TMEM170B: variants seen among roughly 807,000 people sequenced by gnomAD.
TMEM170B encodes the protein transmembrane protein 170B.
A neutral mutation model predicts 13.0 loss-of-function variants in TMEM170B; 6 were observed. The observed-to-expected ratio is 0.46, with a 90% CI of 0.25 to 0.91. The LOEUF (loss-of-function observed/expected upper bound fraction) is 0.91, where lower values mean the gene tolerates loss of function less well. Among genes scored for constraint, TMEM170B ranks in the 40% least tolerant of loss-of-function variants. The probability of loss-of-function intolerance (pLI) is 0.17; values close to 1 mark genes in which losing one functional copy is unlikely to be tolerated. For missense variants in TMEM170B, 138 were observed against 165.2 expected (o/e 0.84, Z 0.90); for synonymous variants, 61 against 64.9 (o/e 0.94, Z 0.29).
chr6:11,554,810 T>C (rs78998652), intron 1 of TMEM170B, among the ~76,000 whole-genome samples: 4,443 of 152,222 alleles, frequency 0.029, 90 homozygotes, highest in Middle Eastern at 0.054. Context: ...TGCTCTCTCT[T>C]AAGAGGCAAA....
At position 11,540,304 on chromosome 6, in the gene TMEM170B, A is replaced by G. The variant is rs145357250; in HGVS notation, c.97+1930A>G. ...CATTTTATCCACAGTAGAACTTTCA[A>G]AATTGGAGTCAGTCCTTTCAAACCC... On this transcript the variant is annotated intron_variant, in intron 1 of 2. Transcript: ENST00000379426. Among the ~76,000 whole-genome samples the G allele has an allele frequency of 2.2e-3, 337 of 152,336 alleles. 9 individuals carry two copies. The East Asian group carries it at 0.047, about 21-fold the overall frequency.
intron 1 of TMEM170B, among the ~76,000 whole-genome samples, chr6:11,540,703 A>G (rs1159171025): frequency 6.6e-6 from 1 of 152,232 alleles, no homozygotes. Context: ...GGCATCTGGA[A>G]TGGTGACTCC....
chr6:11,549,436 G>T (rs1759488925), intron 1 of TMEM170B, among the ~76,000 whole-genome samples: 2 of 152,124 alleles, frequency 1.3e-5, no homozygotes, highest in Non-Finnish European at 1.5e-5. Context: ...GGCAGAGGTG[G>T]GTGGATCACG....
intron 1 of TMEM170B, among the ~76,000 whole-genome samples, chr6:11,540,090 C>T (rs867132150): frequency 2.6e-5 from 4 of 152,130 alleles, no homozygotes; most frequent in African/African-American, 9.7e-5. Flanking sequence ...TCAGCAAGGA[C>T]GTTATCTTTT....
chr6:11,577,861 G>A lies in TMEM170B; in HGVS notation c.*2300G>A, dbSNP rs957271732. 9 of 152,040 alleles carry A rather than the reference G, an allele frequency of 5.9e-5. No homozygotes were observed. Among genetic ancestry groups the A allele is most frequent in the African/African-American group, 1.7e-4 (7 of 41,426 alleles). The allele number at this position is 152,040 out of a possible 1,614,324, so 9.4% of individuals were successfully genotyped here. On this transcript the variant is annotated 3_prime_UTR_variant, in exon 3 of 3. Transcript: ENST00000379426. ...ATTTTTGGTTTCTTTGCTGTTTTCA[G>A]TTATTTCCATTGAGATTTTGTGCAA...
chr6:11,573,824 T>A (rs1759838515), intron 2 of TMEM170B, among the ~76,000 whole-genome samples: 1 of 152,166 alleles, frequency 6.6e-6, no homozygotes, highest in African/African-American at 2.4e-5. Flanking sequence ...ATTACTCTAG[T>A]TTATTTTAAC....
At chr6:11,550,085 A>C (rs1384724028) in intron 1 of TMEM170B, among the ~76,000 whole-genome samples, 3 of 151,692 alleles carry the variant, frequency 2.0e-5, no homozygotes, top group African/African-American at 7.3e-5. Context: ...CAGTCTGCCC[A>C]CCTTGGCCTC....
At chr6:11,546,258 T>C (rs556403761) in intron 1 of TMEM170B, among the ~76,000 whole-genome samples, 3 of 152,142 alleles carry the variant, frequency 2.0e-5, no homozygotes, top group Admixed American at 2.0e-4. Context: ...TTTTTTTAAT[T>C]TTAGAAGTAG....
intron 1 of TMEM170B, among the ~76,000 whole-genome samples, chr6:11,538,893 T>C (rs1759321759): frequency 1.3e-5 from 2 of 152,238 alleles, no homozygotes; most frequent in South Asian, 4.1e-4. Flanking sequence ...GAGTAAATTA[T>C]AGTGGGTCAG....
At chr6:11,566,807 A>C (rs962171543) in intron 2 of TMEM170B, among the ~76,000 whole-genome samples, 2 of 152,096 alleles carry the variant, frequency 1.3e-5, no homozygotes, top group African/African-American at 4.8e-5. Flanking sequence ...TCCTCTTTAC[A>C]CTTGGGAGGC....
At chr6:11,563,625 C>T (rs749653584) in intron 1 of TMEM170B, among the ~76,000 whole-genome samples, 14 of 152,246 alleles carry the variant, frequency 9.2e-5, no homozygotes, top group Middle Eastern at 3.4e-3. Context: ...GCTCATAGAA[C>T]GCAAGGAAAC....
rs1218703262 is a variant in TMEM170B at position 11,582,579 on chromosome 6, T to A, written c.*7018T>A. On this transcript the variant is annotated 3_prime_UTR_variant, in exon 3 of 3. Transcript: ENST00000379426. ...TTTCCAAGTATGAAATGGAAAAAAATGTAGTTAAGAAAATTAAGTGTGAGA... is the reference window on the plus strand; with the variant it reads ...TTTCCAAGTATGAAATGGAAAAAAAAGTAGTTAAGAAAATTAAGTGTGAGA... 6.6e-6 allele frequency: 1 copy of A among 152,182 alleles called. No homozygotes were observed. The highest frequency in any genetic ancestry group is 2.4e-5 in the African/African-American group (1 of 41,442). 9.4% of individuals were successfully genotyped at this position (152,182 alleles called of 1,614,324 possible).
chr6:11,551,117 G>T (rs540529472), intron 1 of TMEM170B, among the ~76,000 whole-genome samples: 3 of 152,282 alleles, frequency 2.0e-5, no homozygotes, highest in African/African-American at 7.2e-5. Flanking sequence ...GTCTAGGGCT[G>T]GGGGTTCAGC....
intron 2 of TMEM170B, among the ~76,000 whole-genome samples, chr6:11,567,179 G>A (rs1407277857): frequency 2.6e-5 from 4 of 152,216 alleles, no homozygotes; most frequent in African/African-American, 9.6e-5. Context: ...GTTGAGCAGA[G>A]CTTAGGTGTG....
At chr6:11,555,418 G>A (rs951999701) in intron 1 of TMEM170B, among the ~76,000 whole-genome samples, 4 of 152,224 alleles carry the variant, frequency 2.6e-5, no homozygotes, top group African/African-American at 4.8e-5. Flanking sequence ...TTGGAAGTGG[G>A]AGGTATTTAT....
chr6:11,539,254 T>G (rs1185402696), intron 1 of TMEM170B, among the ~76,000 whole-genome samples: 2 of 152,216 alleles, frequency 1.3e-5, no homozygotes, highest in East Asian at 3.8e-4. Context: ...AGAAAGAGAT[T>G]CAGTTGCGAT....
At chr6:11,546,775 A>G (rs1341622750) in intron 1 of TMEM170B, among the ~76,000 whole-genome samples, 1 of 152,220 alleles carries the variant, frequency 6.6e-6, no homozygotes, top group Non-Finnish European at 1.5e-5. Context: ...AGCTTATACC[A>G]TCTAGGTTTG....
In TMEM170B at chr6:11,570,078, G is replaced by C. The variant is rs560773150; in HGVS notation, c.268+4242G>C. Among the ~76,000 whole-genome samples the C allele has an allele frequency of 2.0e-5, 3 of 152,022 alleles. No individual in the cohort carries two copies. The East Asian group carries it at 5.8e-4, about 29-fold the overall frequency. On this transcript the variant is annotated intron_variant, in intron 2 of 2. Coordinates refer to ENST00000379426, the MANE Select transcript of TMEM170B (RefSeq NM_001100829.3). ...AAAGTATGATAATGATTTTTATTAGGATTTAACTGAATATAGAGGATAATT... is the reference window on the plus strand; with the variant it reads ...AAAGTATGATAATGATTTTTATTAGCATTTAACTGAATATAGAGGATAATT...
intron 1 of TMEM170B, among the ~76,000 whole-genome samples, chr6:11,563,029 A>G (rs910112632): frequency 6.6e-6 from 1 of 152,218 alleles, no homozygotes; most frequent in Admixed American, 6.5e-5. Flanking sequence ...TGGTAAAAAC[A>G]TAACTGATGA....
Sources: gnomAD v4.1 joint callset for allele counts (sites outside exome capture counted in the v4.1 genomes callset) on GRCh38, gnomAD v4.1.1 for gene constraint, MANE v1.5 for transcripts, NCBI Gene and HGNC (gene_info 2026-07-23, HGNC 2026-07-21) for gene names.